Variants in MAPK10 observed in about 807,000 individuals in gnomAD.
The protein encoded by MAPK10 is mitogen-activated protein kinase 10, also known as JNK3 alpha protein kinase.
MAPK10 carries 25 observed loss-of-function variants against 59.3 expected under a neutral mutation model. That is an observed-to-expected ratio of 0.42 (90% CI 0.31 to 0.59). The LOEUF (loss-of-function observed/expected upper bound fraction) is 0.59. Among genes scored for constraint, MAPK10 ranks in the 20% least tolerant of loss-of-function variants. The pLI is 0.15. For synonymous variants in MAPK10, 190 were observed against 200.5 expected (o/e 0.95, Z 0.44); for missense variants, 351 against 568.9 (o/e 0.62, Z 3.90).
intron 1 of MAPK10, among the ~76,000 whole-genome samples, chr4:86,387,167 C>T (rs939689686): frequency 2.0e-5 from 3 of 152,018 alleles, no homozygotes; most frequent in Non-Finnish European, 4.4e-5. Flanking sequence ...ATGAAGCAGC[C>T]GGAGGGGCAC....
At chr4:86,322,961 G>A (rs974364375) in intron 2 of MAPK10, among the ~76,000 whole-genome samples, 1 of 152,184 alleles carries the variant, frequency 6.6e-6, no homozygotes, top group Non-Finnish European at 1.5e-5. Context: ...GATCACCTGA[G>A]GTCAGGAGTT....
chr4:86,424,860 T>G (rs1747059369), intron 1 of MAPK10, among the ~76,000 whole-genome samples: 1 of 152,138 alleles, frequency 6.6e-6, no homozygotes. Flanking sequence ...CTGACTCCAG[T>G]AATTCAAGCA....
At chr4:86,487,026 T>C (rs923926127) in intron 1 of MAPK10, among the ~76,000 whole-genome samples, 24 of 152,278 alleles carry the variant, frequency 1.6e-4, no homozygotes, top group African/African-American at 5.8e-4. Context: ...TTTGAAAATA[T>C]CAGTGTCATG....
At chr4:86,438,313 C>A (rs1749007413) in intron 1 of MAPK10, among the ~76,000 whole-genome samples, 1 of 152,078 alleles carries the variant, frequency 6.6e-6, no homozygotes, top group Non-Finnish European at 1.5e-5. Context: ...TGCATTTTAT[C>A]TTTATGATGA....
intron 1 of MAPK10, among the ~76,000 whole-genome samples, chr4:86,372,774 G>A (rs887542370): frequency 1.3e-5 from 2 of 152,154 alleles, no homozygotes; most frequent in African/African-American, 4.8e-5. Flanking sequence ...TGTTTAGAGG[G>A]AAATTTATAG....
chr4:86,152,891 C>T (rs1345259662), intron 4 of MAPK10, among the ~76,000 whole-genome samples: 1 of 152,176 alleles, frequency 6.6e-6, no homozygotes, highest in African/African-American at 2.4e-5. Flanking sequence ...TGTTATTTAG[C>T]ATAATTTAAT....
intron 4 of MAPK10, chr4:86,125,031 T>C (rs1418882286): frequency 6.6e-6 from 1 of 151,924 alleles, no homozygotes; most frequent in Non-Finnish European, 1.5e-5. Context: ...TACATTACAA[T>C]GCAAAAATAC....
At chr4:86,485,778 C>G (rs1172670422) in intron 1 of MAPK10, among the ~76,000 whole-genome samples, 1 of 152,114 alleles carries the variant, frequency 6.6e-6, no homozygotes, top group African/African-American at 2.4e-5. Context: ...AGGGAAGGGC[C>G]TTAATTCAAT....
chr4:86,334,047 C>A (rs1330202886), intron 2 of MAPK10, among the ~76,000 whole-genome samples: 1 of 152,118 alleles, frequency 6.6e-6, no homozygotes, highest in Non-Finnish European at 1.5e-5. Context: ...ATGCCTATTT[C>A]TTGAACAATA....
At chr4:86,320,449 T>C (rs2095866822) in intron 2 of MAPK10, among the ~76,000 whole-genome samples, 1 of 152,074 alleles carries the variant, frequency 6.6e-6, no homozygotes, top group Non-Finnish European at 1.5e-5. Context: ...CCAAATCAAA[T>C]AGAATATCTA....
chr4:86,475,775 C>A (rs903563149), intron 1 of MAPK10, among the ~76,000 whole-genome samples: 3 of 152,018 alleles, frequency 2.0e-5, no homozygotes, highest in Non-Finnish European at 4.4e-5. Flanking sequence ...ACCCCCCACC[C>A]CTTCTCTCCA....
At chr4:86,277,136 T>C (rs549144173) in intron 2 of MAPK10, 29 of 150,820 alleles carry the variant, frequency 1.9e-4, no homozygotes, top group African/African-American at 6.9e-4. Context: ...ATTGTGACCA[T>C]CTTTTTTTTT....
chr4:86,471,404 T>A (rs571316634), intron 1 of MAPK10, among the ~76,000 whole-genome samples: 1 of 152,274 alleles, frequency 6.6e-6, no homozygotes, highest in South Asian at 2.1e-4. Flanking sequence ...GATGTATTCT[T>A]ACAAAATAAG....
intron 3 of MAPK10, among the ~76,000 whole-genome samples, chr4:86,177,223 T>C (rs1386766774): frequency 6.6e-6 from 1 of 152,074 alleles, no homozygotes; most frequent in African/African-American, 2.4e-5. Context: ...AGACTCTAAA[T>C]TGAGTTTTTG....
At chr4:86,258,431 T>C (rs1406950139) in intron 2 of MAPK10, among the ~76,000 whole-genome samples, 1 of 152,214 alleles carries the variant, frequency 6.6e-6, no homozygotes, top group African/African-American at 2.4e-5. Context: ...ACCCCTTCTA[T>C]GTTGGTTTAC....
intron 4 of MAPK10, among the ~76,000 whole-genome samples, chr4:86,135,625 A>G (rs1393667400): frequency 6.6e-6 from 1 of 152,348 alleles, no homozygotes; most frequent in South Asian, 2.1e-4. Flanking sequence ...TAAAAAGCAG[A>G]GCGCCTCTCC....
chr4:86,235,230 C>T (rs1163269129), intron 2 of MAPK10, among the ~76,000 whole-genome samples: 1 of 152,156 alleles, frequency 6.6e-6, no homozygotes, highest in Non-Finnish European at 1.5e-5. Flanking sequence ...TTTTATGAGT[C>T]CCACACATTC....
intron 9 of MAPK10, among the ~76,000 whole-genome samples, chr4:86,093,122 T>C (rs1273831074): frequency 6.6e-6 from 1 of 152,016 alleles, no homozygotes; most frequent in Admixed American, 6.6e-5. Context: ...CCCTGGAAGT[T>C]AAATCTAAAT....
At chr4:86,489,942 C>T (rs917244559) in intron 1 of MAPK10, among the ~76,000 whole-genome samples, 2 of 152,158 alleles carry the variant, frequency 1.3e-5, no homozygotes, top group Non-Finnish European at 2.9e-5. Flanking sequence ...TCAGTCCCCC[C>T]ATCTCCAGCA....
Sources: allele counts gnomAD v4.1 joint callset (sites outside exome capture counted in the v4.1 genomes callset), GRCh38; gene constraint gnomAD v4.1.1; transcripts MANE v1.5; gene names NCBI Gene and HGNC (gene_info 2026-07-23, HGNC 2026-07-21).